Variants in AKAP6 observed in about 807,000 individuals in gnomAD.
AKAP6 encodes the protein A-kinase anchor protein 6.
Under a neutral mutation model 188.5 loss-of-function variants are expected in AKAP6, and 58 were observed. The ratio of observed to expected loss-of-function variants is 0.31; its 90% CI spans 0.25 to 0.38. The LOEUF is 0.38. Ranked by LOEUF, AKAP6 falls within the 10% of genes least tolerant of loss-of-function variation. The pLI, the probability that AKAP6 is intolerant of heterozygous loss-of-function variation, is 1.00. For synonymous variants in AKAP6, 989 were observed against 998.6 expected, an observed-to-expected ratio of 0.99 and a Z score of 0.18; for missense variants, 2,710 against 2,740.0, an observed-to-expected ratio of 0.99 and a Z score of 0.24.
chr14:32,531,364 T>A (rs760997630), intron 2 of AKAP6, among the ~76,000 whole-genome samples: 6 of 152,258 alleles, frequency 3.9e-5, no homozygotes, highest in Non-Finnish European at 7.3e-5. Flanking sequence ...AAATTAGTGC[T>A]GATGATCACA....
chr14:32,769,992 C>T (rs1389433711), intron 11 of AKAP6, among the ~76,000 whole-genome samples: 2 of 152,162 alleles, frequency 1.3e-5, no homozygotes, highest in Non-Finnish European at 2.9e-5. Flanking sequence ...AAAGTCTTAA[C>T]TTCAATGGTG....
chr14:32,567,953 G>C (rs1055466245), intron 4 of AKAP6, among the ~76,000 whole-genome samples: 1 of 152,088 alleles, frequency 6.6e-6, no homozygotes, highest in Admixed American at 6.6e-5. Context: ...GAGGAGAAGT[G>C]GGGGAAGAGA....
rs143730019 is a variant in AKAP6 at position 32,677,547 on chromosome 14, A to C, written c.2731-764A>C. Among the ~76,000 whole-genome samples the C allele has an allele frequency of 2.6e-5, 4 of 152,324 alleles. No homozygotes were observed. In the East Asian group the frequency reaches 7.7e-4, roughly 29 times the overall value. On this transcript the variant is annotated intron_variant, in intron 7 of 13. Transcript: ENST00000280979. Reference sequence around the variant, plus strand: ...CCAAGCATGTCCCTGAGAAGATATCATTCTCGGTCTCATCTGATGTTCTAG... The same window carrying C: ...CCAAGCATGTCCCTGAGAAGATATCCTTCTCGGTCTCATCTGATGTTCTAG...
intron 7 of AKAP6, among the ~76,000 whole-genome samples, chr14:32,676,857 A>C (rs547824663): frequency 6.6e-6 from 1 of 152,278 alleles, no homozygotes; most frequent in East Asian, 1.9e-4. Context: ...AAATTGAGAA[A>C]GCGTCTCACT....
intron 2 of AKAP6, among the ~76,000 whole-genome samples, chr14:32,498,752 G>A (rs940897914): frequency 6.6e-6 from 1 of 152,024 alleles, no homozygotes; most frequent in Non-Finnish European, 1.5e-5. Context: ...ATGTGGCAGA[G>A]GGGTAAGTGG....
At position 32,568,405 on chromosome 14, in the gene AKAP6, A is replaced by G. The variant is rs1008907809; in HGVS notation, c.2347-8715A>G. On this transcript the variant is annotated intron_variant, in intron 4 of 13. Transcript: ENST00000280979. The surrounding 1 kb of genome is among the most constrained non-coding windows in gnomAD (Gnocchi z 6.2). ...TGACTATTCAATAACTTCACAAGTT[A>G]TTAGTAGGATAGATGGTAGATGTAC... is the stretch of plus-strand genomic sequence containing the variant. Among the ~76,000 whole-genome samples, 2 of 152,192 alleles carry G rather than the reference A, an allele frequency of 1.3e-5. No individual in the cohort carries two copies. The highest frequency in any genetic ancestry group is 4.8e-5 in the African/African-American group (2 of 41,448).
intron 7 of AKAP6, among the ~76,000 whole-genome samples, chr14:32,654,010 G>A (rs1276887734): frequency 6.6e-6 from 1 of 152,058 alleles, no homozygotes; most frequent in Non-Finnish European, 1.5e-5. Flanking sequence ...CTTCTGCCAT[G>A]CGCACAAGTC....
chr14:32,823,916 A>G lies in AKAP6; in HGVS notation c.6103A>G (p.Asn2035Asp), dbSNP rs1051695. 911,063 of 1,613,708 alleles carry G rather than the reference A, an allele frequency of 0.56. 262,651 individuals carry two copies. The highest frequency in any genetic ancestry group is 0.86 in the African/African-American group (64,836 of 74,990). ...NGTEENASIS[N>D]ISCCNCEPDV... ...AACAGAGGAAAATGCTTCTATCAGC[A>G]ACATTTCCTGTTGCAACTGTGAGCC... Residue 2035 changes from asparagine to aspartate, a missense_variant, in exon 13 of 14, where the codon AAC becomes GAC. By Grantham distance (23) the Asn-to-Asp change is conservative. Transcript: ENST00000280979.
Position 32,538,343 on chromosome 14 carries a change from A to G in AKAP6, c.576+2538A>G, listed in dbSNP as rs571178939. 4.9e-4 allele frequency among the ~76,000 whole-genome samples: 75 copies of G among 152,290 alleles called. 1 individual carries two copies. The highest frequency in any genetic ancestry group is 1.2e-3 in the South Asian group (6 of 4,828). On this transcript the variant is annotated intron_variant, in intron 3 of 13. Transcript: ENST00000280979. ...GAAATGGCAAAATAAAAAAACACCCAAATTTAAAAAGCACTGGTAAATTAG... is the reference window on the plus strand; with the variant it reads ...GAAATGGCAAAATAAAAAAACACCCGAATTTAAAAAGCACTGGTAAATTAG...
At chr14:32,395,880 A>G (rs967560977) in intron 1 of AKAP6, among the ~76,000 whole-genome samples, 1 of 152,138 alleles carries the variant, frequency 6.6e-6, no homozygotes, top group Non-Finnish European at 1.5e-5. Context: ...CTACTACTCC[A>G]TGAGTCCTAG....
chr14:32,346,355 G>A (rs1414403482), intron 1 of AKAP6, among the ~76,000 whole-genome samples: 1 of 152,186 alleles, frequency 6.6e-6, no homozygotes, highest in Non-Finnish European at 1.5e-5. Flanking sequence ...CTTCCAGGCT[G>A]GTGAGCCATG....
chr14:32,718,410 C>A (rs2030345706), intron 9 of AKAP6: 1 of 776,066 alleles, frequency 1.3e-6, no homozygotes, highest in South Asian at 5.8e-5. Flanking sequence ...AACAAAAAGG[C>A]CCAAGGGGTC....
intron 1 of AKAP6, among the ~76,000 whole-genome samples, chr14:32,369,300 A>G (rs1887935944): frequency 1.3e-5 from 2 of 152,102 alleles, no homozygotes; most frequent in African/African-American, 4.8e-5. Context: ...CACCAAAAAA[A>G]CCTCCTTCCA....
At chr14:32,770,058 G>C (rs916275260) in intron 11 of AKAP6, among the ~76,000 whole-genome samples, 3 of 152,090 alleles carry the variant, frequency 2.0e-5, no homozygotes, top group Non-Finnish European at 4.4e-5. Flanking sequence ...TAATATGATT[G>C]GTTTAAACAG....
At chr14:32,509,546 A>C (rs1881066827) in intron 2 of AKAP6, among the ~76,000 whole-genome samples, 1 of 152,190 alleles carries the variant, frequency 6.6e-6, no homozygotes, top group African/African-American at 2.4e-5. Flanking sequence ...TTTCTTAAAA[A>C]AGTTTAAAAA....
intron 7 of AKAP6, among the ~76,000 whole-genome samples, chr14:32,643,256 C>T (rs998575504): frequency 1.3e-5 from 2 of 151,972 alleles, no homozygotes; most frequent in African/African-American, 4.8e-5. Context: ...TGTTTGCCAC[C>T]TTCTCTTCTT....
At chr14:32,383,323 A>G (rs1424562216) in intron 1 of AKAP6, among the ~76,000 whole-genome samples, 3 of 152,144 alleles carry the variant, frequency 2.0e-5, no homozygotes, top group African/African-American at 7.2e-5. Flanking sequence ...TTTAATAGAA[A>G]ACAAGACAGG....
At chr14:32,567,691 A>G (rs1284779063) in intron 4 of AKAP6, among the ~76,000 whole-genome samples, 1 of 152,100 alleles carries the variant, frequency 6.6e-6, no homozygotes, top group Non-Finnish European at 1.5e-5. Flanking sequence ...ATCAAGCCAC[A>G]CTCACTCTTG....
At chr14:32,637,106 T>C (rs780510906) in intron 7 of AKAP6, among the ~76,000 whole-genome samples, 4 of 152,114 alleles carry the variant, frequency 2.6e-5, no homozygotes, top group Non-Finnish European at 5.9e-5. Context: ...ATGGGAATAC[T>C]ATTCCTACTG....
Sources: allele counts gnomAD v4.1 joint callset (sites outside exome capture counted in the v4.1 genomes callset), GRCh38; gene constraint gnomAD v4.1.1; non-coding constraint Gnocchi (gnomAD v3.1); transcripts MANE v1.5; gene names NCBI Gene and HGNC (gene_info 2026-07-23, HGNC 2026-07-21).